Variants in KBTBD2 observed in about 807,000 individuals in gnomAD.
KBTBD2 encodes the protein kelch repeat and BTB domain containing 2, also known as kelch repeat and BTB domain-containing protein 2.
Under a neutral mutation model 57.1 loss-of-function variants are expected in KBTBD2, and 17 were observed. The ratio of observed to expected loss-of-function variants is 0.30; its 90% CI spans 0.20 to 0.45. The LOEUF (loss-of-function observed/expected upper bound fraction) is 0.45, where lower values mean the gene tolerates loss of function less well. KBTBD2 is among the 20% of genes least tolerant of loss of function. The pLI, the probability that KBTBD2 is intolerant of heterozygous loss-of-function variation, is 1.00. For synonymous variants in KBTBD2, 267 were observed against 262.7 expected, an observed-to-expected ratio of 1.02 and a Z score of -0.16; for missense variants, 515 against 750.6, an observed-to-expected ratio of 0.69 and a Z score of 3.67.
intron 1 of KBTBD2, among the ~76,000 whole-genome samples, chr7:32,889,292 TAAAAAAA>T (rs565823381): frequency 7.2e-6 from 1 of 138,280 alleles, no homozygotes; most frequent in Non-Finnish European, 1.6e-5. Context: ...CTCCGTCTCT[TAAAAAAA>T]AAAAAAAAAT....
Position 32,869,686 on chromosome 7 carries a change from T to A in KBTBD2, c.1531A>T (p.Met511Leu), listed in dbSNP as rs781081778. 8 of 1,614,100 alleles carry A rather than the reference T, an allele frequency of 5.0e-6. No individual in the cohort carries two copies. In the East Asian group the frequency reaches 1.8e-4, roughly 36 times the overall value. ...CTCTTAGCAGGGATGTTGGCTGCCATTTTCCACTCATTTTTATTCACATCA... is the reference window on the plus strand; with the variant it reads ...CTCTTAGCAGGGATGTTGGCTGCCAATTTCCACTCATTTTTATTCACATCA... ...IYDVNKNEWK[M>L]AANIPAKRYS... Residue 511 changes from methionine (M) to leucine (L), a missense_variant, in exon 4 of 4, where the codon ATG becomes TTG. Transcript: ENST00000304056.
intron 3 of KBTBD2, among the ~76,000 whole-genome samples, chr7:32,872,560 C>T (rs555094568): frequency 2.0e-5 from 3 of 152,214 alleles, no homozygotes; most frequent in Admixed American, 6.5e-5. Flanking sequence ...TGTCTACAGA[C>T]CCAGCTACTC....
intron 2 of KBTBD2, among the ~76,000 whole-genome samples, chr7:32,876,005 T>C (rs1045049301): frequency 1.3e-5 from 2 of 152,208 alleles, no homozygotes; most frequent in Non-Finnish European, 2.9e-5. Context: ...ATACTTAAAA[T>C]GGGTAGATTT....
intron 1 of KBTBD2, among the ~76,000 whole-genome samples, chr7:32,884,138 G>T (rs549461299): frequency 1.3e-5 from 2 of 152,178 alleles, no homozygotes; most frequent in Non-Finnish European, 2.9e-5. Context: ...GGATCACACA[G>T]GAGGAAGGAA....
At chr7:32,889,547 G>A (rs917811900) in intron 1 of KBTBD2, among the ~76,000 whole-genome samples, 1 of 152,096 alleles carries the variant, frequency 6.6e-6, no homozygotes, top group African/African-American at 2.4e-5. Context: ...GTTGCAGTGA[G>A]CCGAGATCGT....
At chr7:32,889,253 C>CGCACTCCA (rs1423326450) in intron 1 of KBTBD2, among the ~76,000 whole-genome samples, 3 of 150,256 alleles carry the variant, frequency 2.0e-5, no homozygotes, top group Admixed American at 1.3e-4. Flanking sequence ...ATCGCGCCAC[C>CGCACTCCA]GCACTCCAGC....
intron 3 of KBTBD2, among the ~76,000 whole-genome samples, chr7:32,871,657 A>C (rs1784181912): frequency 6.6e-6 from 1 of 152,178 alleles, no homozygotes. Flanking sequence ...TCTAAACTTC[A>C]ATTTTCTCTT....
intron 1 of KBTBD2, among the ~76,000 whole-genome samples, chr7:32,886,355 G>C (rs945021911): frequency 6.6e-6 from 1 of 152,130 alleles, no homozygotes; most frequent in African/African-American, 2.4e-5. Context: ...CCAAGTCTCC[G>C]AGGTTCTGAG....
chr7:32,885,035 C>T (rs1489028110), intron 1 of KBTBD2, among the ~76,000 whole-genome samples: 3 of 140,458 alleles, frequency 2.1e-5, no homozygotes, highest in African/African-American at 8.7e-5. Context: ...CATACACACA[C>T]ACAAATTTTA....
intron 1 of KBTBD2, among the ~76,000 whole-genome samples, chr7:32,890,746 AT>A (rs1371155680): frequency 6.6e-6 from 1 of 151,866 alleles, no homozygotes; most frequent in Non-Finnish European, 1.5e-5. Context: ...TTCTTTTCCT[AT>A]TTTCACTGGA....
chr7:32,885,441 C>T (rs991571069), intron 1 of KBTBD2, among the ~76,000 whole-genome samples: 2 of 144,914 alleles, frequency 1.4e-5, no homozygotes, highest in Non-Finnish European at 3.0e-5. Context: ...GAAACATGTT[C>T]TTATCTAGTG....
intron 1 of KBTBD2, among the ~76,000 whole-genome samples, chr7:32,881,069 C>T (rs1784434108): frequency 6.7e-6 from 1 of 149,224 alleles, no homozygotes; most frequent in Non-Finnish European, 1.5e-5. Context: ...CCACTGCACT[C>T]CAGCCTGGGT....
chr7:32,878,100 C>T (rs147509312), intron 2 of KBTBD2, among the ~76,000 whole-genome samples: 2 of 144,976 alleles, frequency 1.4e-5, no homozygotes, highest in Non-Finnish European at 3.0e-5. Flanking sequence ...TGACAGATTG[C>T]GACTGTCTTT....
intron 3 of KBTBD2, 90 bp from the exon 4 acceptor site, chr7:32,870,970 G>T: frequency 1.4e-6 from 1 of 703,622 alleles, no homozygotes; most frequent in Non-Finnish European, 2.3e-6. Flanking sequence ...TTAATCAGAT[G>T]CCCATAGTGT....
At chr7:32,876,209 C>A (rs1370682621) in intron 2 of KBTBD2, among the ~76,000 whole-genome samples, 2 of 152,196 alleles carry the variant, frequency 1.3e-5, no homozygotes, top group Non-Finnish European at 2.9e-5. Flanking sequence ...GAGAGAAAAG[C>A]TTCTGCATGT....
intron 2 of KBTBD2, among the ~76,000 whole-genome samples, chr7:32,875,541 G>A (rs1209686415): frequency 2.6e-5 from 4 of 152,110 alleles, no homozygotes; most frequent in Admixed American, 6.6e-5. Context: ...GAAAGTGCTC[G>A]GATTACAGGC....
intron 1 of KBTBD2, among the ~76,000 whole-genome samples, chr7:32,882,345 C>T (rs768331340): frequency 1.3e-5 from 2 of 152,200 alleles, no homozygotes; most frequent in Admixed American, 6.5e-5. Flanking sequence ...GAATTTCTTG[C>T]AGGCTAGCGG....
chr7:32,879,674 A>G lies in KBTBD2; in HGVS notation c.-70T>C. On this transcript the variant is annotated 5_prime_UTR_variant, in exon 2 of 4. Coordinates refer to ENST00000304056, the MANE Select transcript of KBTBD2 (RefSeq NM_015483.3). ...GTCTTACTGATGGAAGGTCAAGTGA[A>G]TACTTCAGAAATAAAGGAGAACCTA... is the stretch of plus-strand genomic sequence containing the variant. The G allele has an allele frequency of 7.8e-7, 1 of 1,278,512 alleles. No homozygotes were observed. Among genetic ancestry groups the G allele is most frequent in the Non-Finnish European group, 1.1e-6 (1 of 898,648 alleles). The allele number at this position is 1,278,512 out of a possible 1,614,324, so 79.2% of individuals were successfully genotyped here. A position where few individuals can be genotyped will look rare whatever the true frequency, so the allele number is the denominator to read the frequency against.
intron 1 of KBTBD2, among the ~76,000 whole-genome samples, chr7:32,884,998 A>G (rs567575876): frequency 1.1e-4 from 9 of 79,128 alleles, no homozygotes; most frequent in East Asian, 9.8e-4. Context: ...ATACACATAT[A>G]TGTGTATATA....
Sources: gnomAD v4.1 joint callset for allele counts (sites outside exome capture counted in the v4.1 genomes callset) on GRCh38, gnomAD v4.1.1 for gene constraint, MANE v1.5 for transcripts, NCBI Gene and HGNC (gene_info 2026-07-23, HGNC 2026-07-21) for gene names.